LARGE1: variants seen among roughly 807,000 people sequenced by gnomAD.
LARGE1 encodes xylosyl- and glucuronyltransferase LARGE1.
LARGE1 carries 43 observed loss-of-function variants against 87.6 expected under a neutral mutation model. The observed-to-expected ratio is 0.49, with a 90% confidence interval of 0.38 to 0.63. The LOEUF is 0.63. LARGE1 is among the 30% of genes least tolerant of loss of function. The pLI is 0.00. For missense variants in LARGE1, 802 were observed against 1,000.2 expected (o/e 0.80, Z 2.67); for synonymous variants, 434 against 394.6 (o/e 1.10, Z -1.18).
At chr22:33,767,253 C>T (rs374587482) in intron 1 of LARGE1, among the ~76,000 whole-genome samples, 2 of 151,118 alleles carry the variant, frequency 1.3e-5, no homozygotes, top group African/African-American at 2.4e-5. Context: ...ACCGGGGAGG[C>T]GGAGGTTACA....
chr22:33,521,403 T>C (rs990755178), intron 6 of LARGE1, among the ~76,000 whole-genome samples: 5 of 152,210 alleles, frequency 3.3e-5, no homozygotes, highest in African/African-American at 4.8e-5. Flanking sequence ...GCTCAGATGA[T>C]GGGGCCTCTC....
intron 7 of LARGE1, among the ~76,000 whole-genome samples, chr22:33,394,114 G>A (rs964063933): frequency 3.3e-5 from 5 of 149,850 alleles, no homozygotes; most frequent in Non-Finnish European, 7.4e-5. Context: ...GCTAAACAGG[G>A]TGACAATGAT....
intron 12 of LARGE1, among the ~76,000 whole-genome samples, chr22:33,286,373 T>C (rs940347309): frequency 1.3e-5 from 2 of 152,112 alleles, no homozygotes; most frequent in Non-Finnish European, 2.9e-5. Flanking sequence ...GGGTGGGATA[T>C]ATGGATCTAA....
chr22:33,383,640 G>A (rs2065231766), intron 8 of LARGE1, among the ~76,000 whole-genome samples: 1 of 152,228 alleles, frequency 6.6e-6, no homozygotes, highest in African/African-American at 2.4e-5. Flanking sequence ...TGCCTGCATA[G>A]CAAGGTGGTT....
intron 1 of LARGE1, among the ~76,000 whole-genome samples, chr22:33,868,267 G>A (rs903034627): frequency 2.0e-4 from 31 of 152,166 alleles, no homozygotes; most frequent in African/African-American, 7.5e-4. Context: ...CGGCCTCGTC[G>A]GAAGCAGAAA....
intron 1 of LARGE1, among the ~76,000 whole-genome samples, chr22:33,798,708 C>T (rs1426137659): frequency 6.6e-6 from 1 of 152,140 alleles, no homozygotes; most frequent in Admixed American, 6.5e-5. Context: ...ACCCCAAGCT[C>T]CTTGACACAC....
At chr22:33,104,392 TA>T in the LARGE1 span, among the ~76,000 whole-genome samples, 1 of 152,322 alleles carries the variant, frequency 6.6e-6, no homozygotes, top group African/African-American at 2.4e-5. Flanking sequence ...GAGAAAGGGC[TA>T]GGGGCTAAAT....
At chr22:33,565,040 A>G (rs2077981583) in intron 5 of LARGE1, 21 bp from the exon 6 acceptor site, 1 of 1,611,736 alleles carries the variant, frequency 6.2e-7, no homozygotes, top group Non-Finnish European at 8.5e-7. Flanking sequence ...CAAGGCAGAG[A>G]GAGAGTTGGA....
At position 33,434,777 on chromosome 22, in the gene LARGE1, T is replaced by G. The variant is rs183388357; in HGVS notation, c.788-2512A>C. Among the ~76,000 whole-genome samples, 8 of 152,338 alleles carry G rather than the reference T, an allele frequency of 5.3e-5. No homozygotes were observed. In the East Asian group the frequency reaches 1.5e-3, roughly 29 times the overall value. On this transcript the variant is annotated intron_variant, in intron 6 of 14. Coordinates refer to ENST00000397394, the MANE Select transcript of LARGE1 (RefSeq NM_133642.5). Reference sequence around the variant, plus strand: ...TTATTCCTGCCAAACAAAAATATTTTGTTGCCTGTGGTCTAATTTCTACCT... The same window carrying G: ...TTATTCCTGCCAAACAAAAATATTTGGTTGCCTGTGGTCTAATTTCTACCT...
rs1277388830 is a variant in LARGE1 at position 33,843,468 on chromosome 22, T to TAAATAAATAAATAAATAAAA, written c.-83+76526_-83+76527insTTTTATTTATTTATTTATTT. Among the ~76,000 whole-genome samples, 16 of 149,808 alleles carry TAAATAAATAAATAAATAAAA rather than the reference T, an allele frequency of 1.1e-4. No individual in the cohort carries two copies. The South Asian group carries it at 3.0e-3, about 28-fold the overall frequency. On this transcript the variant is annotated intron_variant, in intron 1 of 14. Coordinates refer to ENST00000397394, the MANE Select transcript of LARGE1 (RefSeq NM_133642.5). ...ATAAATAAATAAATAAATAAATAAA[T>TAAATAAATAAATAAATAAAA]AAAAATAAAAAATTAAAGAGGTCTC...
chr22:33,606,710 G>A (rs2148990583), intron 4 of LARGE1, among the ~76,000 whole-genome samples: 1 of 152,236 alleles, frequency 6.6e-6, no homozygotes, highest in East Asian at 1.9e-4. Flanking sequence ...GGATGAGCTG[G>A]ATGCTGGGGA....
chr22:33,305,574 C>T, intron 11 of LARGE1: 2 of 985,134 alleles, frequency 2.0e-6, no homozygotes, highest in Non-Finnish European at 2.4e-6. Context: ...GTCAGAATGC[C>T]CACTTTATTC....
the LARGE1 span, among the ~76,000 whole-genome samples, chr22:33,131,333 T>C: frequency 2.0e-5 from 3 of 152,192 alleles, no homozygotes; most frequent in African/African-American, 4.8e-5. Context: ...TGTGATTCTG[T>C]GTTTGACTGT....
In LARGE1 at chr22:33,524,300, A is replaced by T. The variant is rs549176919; in HGVS notation, c.787+40548T>A. ...AGTGAGACTCCCCTCAAAAAAAAAA[A>T]AATAATAATAATAATAAAATCAAGC... On this transcript the variant is annotated intron_variant, in intron 6 of 14. Coordinates refer to ENST00000397394, the MANE Select transcript of LARGE1 (RefSeq NM_133642.5). Among the ~76,000 whole-genome samples, 370 of 151,040 alleles carry T rather than the reference A, an allele frequency of 2.4e-3. 1 individual carries two copies. Among genetic ancestry groups the T allele is most frequent in the Middle Eastern group, 0.017 (5 of 294 alleles).
chr22:33,464,684 G>A (rs997000914), intron 6 of LARGE1, among the ~76,000 whole-genome samples: 2 of 152,074 alleles, frequency 1.3e-5, no homozygotes, highest in Admixed American at 6.6e-5. Flanking sequence ...GGAAAAGATC[G>A]TAAAATGTGA....
intron 1 of LARGE1, among the ~76,000 whole-genome samples, chr22:33,842,238 T>C (rs1032157150): frequency 5.9e-5 from 9 of 152,186 alleles, no homozygotes; most frequent in Admixed American, 6.5e-5. Flanking sequence ...CGACGCACGC[T>C]GTTGCTCTGG....
rs537510361 is a variant in LARGE1, at chr22:33,633,959, C to A, written c.409-7633G>T. ...AGCCACAAGCTCGAAGCTAAGTGGC[C>A]GCGTGATCTTGGAAGAGTTATTTAG... is the stretch of plus-strand genomic sequence containing the variant. On this transcript the variant is annotated intron_variant, in intron 3 of 14. Transcript: ENST00000397394. Among the ~76,000 whole-genome samples the A allele has an allele frequency of 3.3e-5, 5 of 152,258 alleles. No individual in the cohort carries two copies. The East Asian group carries it at 9.7e-4, about 29-fold the overall frequency.
At chr22:33,355,431 A>T (rs1940798517) in intron 9 of LARGE1, among the ~76,000 whole-genome samples, 1 of 152,202 alleles carries the variant, frequency 6.6e-6, no homozygotes, top group South Asian at 2.1e-4. Flanking sequence ...GTAGCTTGCT[A>T]GGCTGAAATG....
chr22:33,262,066 C>T (rs1402883583), intron 11 of LARGE1, among the ~76,000 whole-genome samples: 2 of 152,198 alleles, frequency 1.3e-5, no homozygotes, highest in Non-Finnish European at 2.9e-5. Flanking sequence ...GACAAAGTAT[C>T]GTAAACACTC....
Sources: gnomAD v4.1 joint callset for allele counts (sites outside exome capture counted in the v4.1 genomes callset) on GRCh38, gnomAD v4.1.1 for gene constraint, MANE v1.5 for transcripts, NCBI Gene and HGNC (gene_info 2026-07-23, HGNC 2026-07-21) for gene names.